Variants in MICAL3 observed in about 807,000 individuals in gnomAD.
The protein encoded by MICAL3 is [F-actin]-monooxygenase MICAL3.
Under a neutral mutation model 207.4 loss-of-function variants are expected in MICAL3, and 62 were observed. The ratio of observed to expected loss-of-function variants is 0.30; its 90% CI spans 0.24 to 0.37. The LOEUF is 0.37. MICAL3 is among the 10% of genes least tolerant of loss of function. The pLI, the probability that MICAL3 is intolerant of heterozygous loss-of-function variation, is 1.00. For synonymous variants in MICAL3, 1,077 were observed against 1,069.3 expected (o/e 1.01, Z -0.14); for missense variants, 2,368 against 2,635.6 (o/e 0.90, Z 2.22).
In MICAL3 at chr22:17,906,621, G is replaced by A. The variant is rs1484069175; in HGVS notation, c.192C>T (p.Ala64=). 1.2e-6 allele frequency: 2 copies of A among 1,613,952 alleles called. No homozygotes were observed. The highest frequency in any genetic ancestry group is 3.3e-5 in the Admixed American group (2 of 60,014). Residue 64 remains alanine, a synonymous_variant, in exon 2 of 32, where the codon GCC becomes GCT. Transcript: ENST00000441493. ...KSKLNYWKAK[A]LWAKLDKRGS... ...CCCGTTTGTCCAATTTTGCCCAGAG[G>A]GCTTTGGCTTTCCAGTAGTTAAGCT...
At chr22:17,919,600 A>T (rs1932752338) in intron 1 of MICAL3, among the ~76,000 whole-genome samples, 1 of 152,238 alleles carries the variant, frequency 6.6e-6, no homozygotes, top group Non-Finnish European at 1.5e-5. Flanking sequence ...GTGTGCTTTC[A>T]GGCAGTGGCA....
chr22:17,851,059 C>T (rs188860359), intron 19 of MICAL3, among the ~76,000 whole-genome samples: 4 of 152,198 alleles, frequency 2.6e-5, no homozygotes, highest in Non-Finnish European at 4.4e-5. Flanking sequence ...TTAAATTGCA[C>T]GAGTGCTGCG....
Position 17,808,914 on chromosome 22 carries a change from C to A in MICAL3, c.5580G>T (p.Gln1860His). Residue 1860 changes from glutamine to histidine, a missense_variant, in exon 29 of 32, where the codon CAG (glutamine) becomes CAT (histidine). Gln to His is a conservative substitution (Grantham distance 24). Transcript: ENST00000441493. ...RAQIIQRQLQ[Q>H]VEERQRRLEE... ...CCAGCCGCCGCTGCCTCTCCTCCAC[C>A]TGCTGCAGCTGCCGCTGGATGATCT... The A allele has an allele frequency of 6.4e-7, 1 of 1,553,502 alleles. No individual in the cohort carries two copies. The highest frequency in any genetic ancestry group is 8.7e-7 in the Non-Finnish European group (1 of 1,148,692).
chr22:17,997,965 T>C (rs1216152361), intron 1 of MICAL3, among the ~76,000 whole-genome samples: 1 of 150,502 alleles, frequency 6.6e-6, no homozygotes, highest in Non-Finnish European at 1.5e-5. Flanking sequence ...AAAAGATGTG[T>C]GGATTTTTTC....
intron 16 of MICAL3, chr22:17,875,591 G>A (rs191406897): frequency 3.7e-6 from 5 of 1,352,014 alleles, no homozygotes; most frequent in African/African-American, 3.0e-5. Context: ...AAAAGTAAAG[G>A]AAATGTTAAA....
intron 29 of MICAL3, among the ~76,000 whole-genome samples, chr22:17,798,953 G>A (rs1441161662): frequency 6.6e-6 from 1 of 152,008 alleles, no homozygotes; most frequent in Non-Finnish European, 1.5e-5. Context: ...GATTACAGGT[G>A]GGAGCCACCG....
intron 1 of MICAL3, among the ~76,000 whole-genome samples, chr22:17,970,404 A>T (rs1347086807): frequency 6.6e-6 from 1 of 152,184 alleles, no homozygotes; most frequent in Non-Finnish European, 1.5e-5. Flanking sequence ...GGCCATGATC[A>T]GAGGATCTTC....
intron 1 of MICAL3, among the ~76,000 whole-genome samples, chr22:17,950,337 GTT>G (rs764642603): frequency 0.019 from 1,725 of 89,264 alleles, 25 homozygotes; most frequent in African/African-American, 0.039. Context: ...TTTTGTTTTT[GTT>G]TTTTTTTTTT....
chr22:17,797,793 A>G (rs2061892262), intron 29 of MICAL3, among the ~76,000 whole-genome samples: 1 of 152,240 alleles, frequency 6.6e-6, no homozygotes, highest in African/African-American at 2.4e-5. Flanking sequence ...CCGGCCACCA[A>G]CGCTAACCAC....
chr22:17,889,361 G>C (rs1930208774), intron 12 of MICAL3, 131 bp from the exon 13 acceptor site: 1 of 592,734 alleles, frequency 1.7e-6, no homozygotes, highest in Middle Eastern at 4.4e-4. Flanking sequence ...GCTGACATTT[G>C]AGAGCAAACC....
intron 1 of MICAL3, among the ~76,000 whole-genome samples, chr22:17,944,584 G>A (rs1210861082): frequency 6.6e-6 from 1 of 152,190 alleles, no homozygotes; most frequent in African/African-American, 2.4e-5. Context: ...GTTTCGGTGT[G>A]CAGGCCTCCT....
chr22:17,906,546 T>C lies in MICAL3; in HGVS notation c.264+3A>G. ...CCCAGGGCCCAACAGGAGCAAAGCT[T>C]ACCTTGGTGTTAGTGCACGCTTTTC... On this transcript the variant is annotated splice_donor_region_variant and intron_variant, in intron 2 of 31. Transcript: ENST00000441493. The C allele has an allele frequency of 6.2e-7, 1 of 1,612,004 alleles. No homozygotes were observed. The highest frequency in any genetic ancestry group is 2.2e-5 in the East Asian group (1 of 44,836).
Position 17,790,741 on chromosome 22 carries a change from G to A in MICAL3, c.6000C>T (p.Asn2000=). ...AAMLSKGFSL[N]WS ...AGCGTTGGGTGGGAGCTCAGGACCA[G>A]TTAAGGCTGAAGCCCTTGGACAGCA... Residue 2000 remains asparagine (N), a synonymous_variant, in exon 32 of 32, where the codon AAC becomes AAT. Coordinates refer to ENST00000441493, the MANE Select transcript of MICAL3 (RefSeq NM_015241.3). 1 of 1,600,966 alleles carries A rather than the reference G, an allele frequency of 6.2e-7. No homozygotes were observed. Among genetic ancestry groups the A allele is most frequent in the Non-Finnish European group, 8.5e-7 (1 of 1,173,686 alleles).
At chr22:17,821,626 G>A (rs2305006) in intron 24 of MICAL3, 117 bp from the exon 25 acceptor site, 14 of 794,342 alleles carry the variant, frequency 1.8e-5, no homozygotes, top group Admixed American at 3.1e-5. Flanking sequence ...TCGCTGAGTC[G>A]GCTCCCAGTT....
chr22:17,928,290 T>A lies in MICAL3; in HGVS notation c.-74-21404A>T, dbSNP rs902655994. ...CCGCCTCTACTAAAAATACAAAAAA[T>A]TAGCGGGGCGTGGTGGCGGGCATCT... On this transcript the variant is annotated intron_variant, in intron 1 of 31. Transcript: ENST00000441493. 1.7e-4 allele frequency among the ~76,000 whole-genome samples: 26 copies of A among 152,066 alleles called. No individual in the cohort carries two copies. In the Middle Eastern group the frequency reaches 0.014, roughly 80 times the overall value.
intron 28 of MICAL3, among the ~76,000 whole-genome samples, chr22:17,810,101 C>T (rs999000368): frequency 3.0e-4 from 41 of 134,982 alleles, no homozygotes; most frequent in African/African-American, 9.7e-4. Context: ...CTCTCTGTGT[C>T]GCCTAGGCTG....
At chr22:17,953,930 CAAAAAAA>C (rs59740388) in intron 1 of MICAL3, among the ~76,000 whole-genome samples, 29 of 86,486 alleles carry the variant, frequency 3.4e-4, no homozygotes, top group African/African-American at 1.1e-3. Context: ...GACTCCATCT[CAAAAAAA>C]AAAAAAAAAA....
chr22:18,008,695 C>G (rs1044329277), intron 1 of MICAL3, among the ~76,000 whole-genome samples: 2 of 152,190 alleles, frequency 1.3e-5, no homozygotes, highest in Non-Finnish European at 2.9e-5. Context: ...AGGCTAATAT[C>G]TCATAGTGAG....
At chr22:17,995,812 T>C (rs1309953350) in intron 1 of MICAL3, among the ~76,000 whole-genome samples, 1 of 151,990 alleles carries the variant, frequency 6.6e-6, no homozygotes, top group Non-Finnish European at 1.5e-5. Context: ...CCTGGCCTCT[T>C]TTCTTTTTTA....
Sources: allele counts gnomAD v4.1 joint callset (sites outside exome capture counted in the v4.1 genomes callset), GRCh38; gene constraint gnomAD v4.1.1; transcripts MANE v1.5; gene names NCBI Gene and HGNC (gene_info 2026-07-23, HGNC 2026-07-21).